FHOD3: variants seen among roughly 807,000 people sequenced by gnomAD.
FHOD3 encodes the protein FH1/FH2 domain-containing protein 3.
Under a neutral mutation model 173.0 loss-of-function variants are expected in FHOD3, and 90 were observed. The ratio of observed to expected loss-of-function variants is 0.52; its 90% CI spans 0.44 to 0.62. The LOEUF is 0.62. Among genes scored for constraint, FHOD3 ranks in the 20% least tolerant of loss-of-function variants. The pLI is 0.00. For synonymous variants in FHOD3, 828 were observed against 823.0 expected, an observed-to-expected ratio of 1.01 and a Z score of -0.10; for missense variants, 1,945 against 2,034.7, an observed-to-expected ratio of 0.96 and a Z score of 0.85.
At chr18:36,451,615 C>T (rs1173755466) in intron 3 of FHOD3, among the ~76,000 whole-genome samples, 5 of 152,210 alleles carry the variant, frequency 3.3e-5, no homozygotes, top group Non-Finnish European at 7.3e-5. Flanking sequence ...CCTCCTCTTC[C>T]TTCTCCTCCG....
rs182733413 is a variant in FHOD3, at chr18:36,571,402, A to G, written c.512-5049A>G. On this transcript the variant is annotated intron_variant, in intron 5 of 28. Transcript: ENST00000590592. Reference sequence around the variant, plus strand: ...CTGCGAAGATGTATAATAAATAGACATAACAGGTTTATAGGTTAGAAGATT... The same window carrying G: ...CTGCGAAGATGTATAATAAATAGACGTAACAGGTTTATAGGTTAGAAGATT... 9.2e-5 allele frequency among the ~76,000 whole-genome samples: 14 copies of G among 152,356 alleles called. No individual in the cohort carries two copies. In the East Asian group the frequency reaches 2.3e-3, roughly 25 times the overall value.
chr18:36,390,052 A>G (rs1250128060), intron 3 of FHOD3, among the ~76,000 whole-genome samples: 1 of 152,074 alleles, frequency 6.6e-6, no homozygotes, highest in Non-Finnish European at 1.5e-5. Context: ...CTAATCCAGG[A>G]GGCAAAAATC....
At chr18:36,691,696 C>G (rs754114667) in intron 16 of FHOD3, among the ~76,000 whole-genome samples, 3 of 152,180 alleles carry the variant, frequency 2.0e-5, no homozygotes, top group Non-Finnish European at 2.9e-5. Context: ...ACCATGAATG[C>G]AAGCTCATTC....
intron 5 of FHOD3, among the ~76,000 whole-genome samples, chr18:36,534,001 A>C (rs751357238): frequency 9.9e-5 from 15 of 152,124 alleles, no homozygotes; most frequent in Non-Finnish European, 7.4e-5. Context: ...CCTGCCTCCA[A>C]TGATAAGAAG....
intron 3 of FHOD3, among the ~76,000 whole-genome samples, chr18:36,387,912 T>A (rs1019821159): frequency 2.0e-5 from 3 of 152,124 alleles, no homozygotes; most frequent in African/African-American, 7.2e-5. Context: ...GCTGTTCCTC[T>A]CTTGTGGAGA....
chr18:36,728,797 G>T (rs1474124300), intron 19 of FHOD3, among the ~76,000 whole-genome samples: 1 of 152,182 alleles, frequency 6.6e-6, no homozygotes, highest in Non-Finnish European at 1.5e-5. Flanking sequence ...GCCCTAGCCA[G>T]GGCCCCTGCT....
chr18:36,300,479 G>T (rs2091930032), intron 1 of FHOD3, among the ~76,000 whole-genome samples: 1 of 152,214 alleles, frequency 6.6e-6, no homozygotes, highest in Non-Finnish European at 1.5e-5. Context: ...CAACTCTGCT[G>T]TGAATTAGCT....
intron 3 of FHOD3, among the ~76,000 whole-genome samples, chr18:36,380,656 CTTTCT>C (rs1239342498): frequency 1.8e-5 from 2 of 110,566 alleles, no homozygotes; most frequent in African/African-American, 7.5e-5. Flanking sequence ...GTATCTCTTT[CTTTCT>C]TTTCAGAGTC....
chr18:36,475,751 T>TACACAC (rs58982535), intron 3 of FHOD3, among the ~76,000 whole-genome samples: 184 of 143,070 alleles, frequency 1.3e-3, no homozygotes, highest in South Asian at 5.7e-3. Flanking sequence ...TATAGAAACA[T>TACACAC]ACACACACAC....
intron 3 of FHOD3, among the ~76,000 whole-genome samples, chr18:36,485,985 C>G (rs1184278390): frequency 6.6e-6 from 1 of 152,214 alleles, no homozygotes; most frequent in African/African-American, 2.4e-5. Context: ...GGGCCCTCCT[C>G]TGTTCCATCA....
chr18:36,302,856 C>T (rs2144435604), intron 1 of FHOD3, among the ~76,000 whole-genome samples: 1 of 152,294 alleles, frequency 6.6e-6, no homozygotes. Flanking sequence ...TCCATGTAAG[C>T]AGAATCAAAT....
chr18:36,417,642 A>T (rs928772729), intron 3 of FHOD3, among the ~76,000 whole-genome samples: 1 of 152,210 alleles, frequency 6.6e-6, no homozygotes, highest in East Asian at 1.9e-4. Context: ...GCTTTATTTC[A>T]TGAGATCATA....
At chr18:36,407,332 A>G (rs1242727814) in intron 3 of FHOD3, among the ~76,000 whole-genome samples, 1 of 152,216 alleles carries the variant, frequency 6.6e-6, no homozygotes, top group Non-Finnish European at 1.5e-5. Context: ...CTACCAATTC[A>G]TTGATCCTCC....
chr18:36,352,459 G>A (rs1000514437), intron 1 of FHOD3, among the ~76,000 whole-genome samples: 2 of 152,276 alleles, frequency 1.3e-5, no homozygotes, highest in African/African-American at 4.8e-5. Context: ...GTATACTGGT[G>A]AGCTGCTGCA....
chr18:36,366,793 G>A (rs1035824973), intron 2 of FHOD3, among the ~76,000 whole-genome samples: 1 of 152,198 alleles, frequency 6.6e-6, no homozygotes, highest in Non-Finnish European at 1.5e-5. Context: ...AGCTCCAGAA[G>A]CTTACTAAGA....
At chr18:36,312,140 A>G (rs778893395) in intron 1 of FHOD3, among the ~76,000 whole-genome samples, 2 of 152,082 alleles carry the variant, frequency 1.3e-5, no homozygotes, top group African/African-American at 2.4e-5. Flanking sequence ...ACACTTTTCC[A>G]TTCTTGACTT....
chr18:36,519,864 C>G (rs1445509590), intron 5 of FHOD3, among the ~76,000 whole-genome samples: 2 of 152,094 alleles, frequency 1.3e-5, no homozygotes, highest in Non-Finnish European at 2.9e-5. Context: ...TTGGTTTTCC[C>G]TCTTACTCTC....
chr18:36,346,305 G>A (rs1172410241), intron 1 of FHOD3, among the ~76,000 whole-genome samples: 1 of 152,196 alleles, frequency 6.6e-6, no homozygotes, highest in African/African-American at 2.4e-5. Flanking sequence ...GGTCAAGGAT[G>A]TGGTGAGTCT....
At chr18:36,643,589 G>A (rs902503037) in intron 10 of FHOD3, among the ~76,000 whole-genome samples, 11 of 152,102 alleles carry the variant, frequency 7.2e-5, no homozygotes, top group African/African-American at 2.7e-4. Flanking sequence ...ATATGAATTA[G>A]TTGACTTGCA....
Sources: gnomAD v4.1 joint callset for allele counts (sites outside exome capture counted in the v4.1 genomes callset) on GRCh38, gnomAD v4.1.1 for gene constraint, MANE v1.5 for transcripts, NCBI Gene and HGNC (gene_info 2026-07-23, HGNC 2026-07-21) for gene names.